Variants in THSD7A observed in about 807,000 individuals in gnomAD.
The protein encoded by THSD7A is thrombospondin type 1 domain containing 7A, also known as thrombospondin type-1 domain-containing protein 7A.
THSD7A carries 96 observed loss-of-function variants against 231.3 expected under a neutral mutation model. The observed-to-expected ratio is 0.41, with a 90% CI of 0.35 to 0.49. The LOEUF (loss-of-function observed/expected upper bound fraction) is 0.49. THSD7A is among the 20% of genes least tolerant of loss of function. The pLI is 0.05. For synonymous variants in THSD7A, 940 were observed against 743.3 expected, an observed-to-expected ratio of 1.26 and a Z score of -4.30; for missense variants, 2,290 against 2,070.2, an observed-to-expected ratio of 1.11 and a Z score of -2.06.
chr7:11,828,695 T>C (rs1335337109), intron 1 of THSD7A, among the ~76,000 whole-genome samples: 1 of 151,778 alleles, frequency 6.6e-6, no homozygotes, highest in African/African-American at 2.4e-5. Context: ...AAAAACTCTT[T>C]GTTGTGAGTT....
chr7:11,537,548 C>T (rs1295402356), intron 6 of THSD7A, among the ~76,000 whole-genome samples: 3 of 152,116 alleles, frequency 2.0e-5, no homozygotes, highest in Non-Finnish European at 4.4e-5. Flanking sequence ...GATGCCTGCT[C>T]CCACTTAGCC....
At chr7:11,693,905 C>G (rs1780310787) in intron 1 of THSD7A, among the ~76,000 whole-genome samples, 1 of 151,392 alleles carries the variant, frequency 6.6e-6, no homozygotes, top group Non-Finnish European at 1.5e-5. Flanking sequence ...TTTACTTATT[C>G]CATGACAATT....
chr7:11,623,379 C>T (rs1179763105), intron 2 of THSD7A, among the ~76,000 whole-genome samples: 1 of 152,018 alleles, frequency 6.6e-6, no homozygotes, highest in African/African-American at 2.4e-5. Context: ...AATTTTGTGT[C>T]TCAGTAGCAT....
At chr7:11,463,525 G>A (rs765175165) in intron 9 of THSD7A, among the ~76,000 whole-genome samples, 3 of 152,086 alleles carry the variant, frequency 2.0e-5, no homozygotes, top group East Asian at 1.9e-4. Flanking sequence ...GACCTTGTAT[G>A]ACCTATCCCA....
Position 11,428,976 on chromosome 7 carries a change from G to A in THSD7A, c.3214C>T (p.Pro1072Ser). The A allele has an allele frequency of 3.7e-6, 6 of 1,611,476 alleles. No homozygotes were observed. Among genetic ancestry groups the A allele is most frequent in the Non-Finnish European group, 2.5e-6 (3 of 1,178,880 alleles). The change falls in exon 14 of 28, where the codon CCT (proline) becomes TCT (serine). Residue 1072 changes from proline (P) to serine (S), a missense_variant. Transcript: ENST00000423059. ...LREKPYNGGRPCPKLDHVNQA... is the reference protein window; with the variant it reads ...LREKPYNGGRSCPKLDHVNQA... ...TTGACATGGTCCAGTTTGGGGCAAG[G>A]CCTTCCTCCATTATATGGTTTTTCA...
At chr7:11,702,249 C>G (rs1780627729) in intron 1 of THSD7A, among the ~76,000 whole-genome samples, 1 of 151,134 alleles carries the variant, frequency 6.6e-6, no homozygotes. Flanking sequence ...CAGGGTGTCA[C>G]AGGGTTGAAA....
At chr7:11,642,170 G>A (rs963769608) in intron 1 of THSD7A, among the ~76,000 whole-genome samples, 3 of 152,256 alleles carry the variant, frequency 2.0e-5, no homozygotes, top group Non-Finnish European at 4.4e-5. Context: ...GTGACAGTGT[G>A]CAGCAAATGT....
intron 2 of THSD7A, among the ~76,000 whole-genome samples, chr7:11,604,502 T>C (rs1338895047): frequency 1.3e-5 from 2 of 152,290 alleles, no homozygotes; most frequent in East Asian, 3.9e-4. Context: ...ATATTTTTAA[T>C]AATTAAAGCT....
chr7:11,389,733 T>G (rs1206960739), intron 23 of THSD7A, among the ~76,000 whole-genome samples: 1 of 151,656 alleles, frequency 6.6e-6, no homozygotes, highest in Non-Finnish European at 1.5e-5. Flanking sequence ...CCTTTACAAT[T>G]TGTTACGTTT....
chr7:11,395,818 GC>G (rs1783164534), intron 23 of THSD7A, among the ~76,000 whole-genome samples: 1 of 152,000 alleles, frequency 6.6e-6, no homozygotes, highest in Non-Finnish European at 1.5e-5. Context: ...GAGCCACCGT[GC>G]CCGGCCCAGA....
chr7:11,449,107 G>C (rs1785065427), intron 11 of THSD7A, among the ~76,000 whole-genome samples: 1 of 152,010 alleles, frequency 6.6e-6, no homozygotes, highest in Admixed American at 6.6e-5. Context: ...ATAACCTTTG[G>C]AAAATACCTA....
intron 1 of THSD7A, among the ~76,000 whole-genome samples, chr7:11,742,694 T>C (rs1424844165): frequency 6.6e-6 from 1 of 151,754 alleles, no homozygotes; most frequent in Non-Finnish European, 1.5e-5. Flanking sequence ...GACTGGGAGG[T>C]TGCTATTAAT....
At chr7:11,787,070 A>G (rs1287054331) in intron 1 of THSD7A, among the ~76,000 whole-genome samples, 1 of 152,100 alleles carries the variant, frequency 6.6e-6, no homozygotes, top group Non-Finnish European at 1.5e-5. Context: ...ATAAAAAGGT[A>G]ACATTGAACT....
rs1318592727 is a variant in THSD7A at position 11,814,185 on chromosome 7, CT to C, written c.190+17571del. ...TTCTTCTTGGGGTAATGAAAATGTT[CT>C]TGAATTGATTGTGGTAATGGATGCA... is the stretch of plus-strand genomic sequence containing the variant. On this transcript the variant is annotated intron_variant, in intron 1 of 27. Coordinates refer to ENST00000423059, the MANE Select transcript of THSD7A (RefSeq NM_015204.3). This position sits in a 1 kb window ranked among gnomAD's most constrained non-coding sequence, Gnocchi z 5.1. 6.6e-6 allele frequency among the ~76,000 whole-genome samples: 1 copy of C among 152,102 alleles called. No homozygotes were observed. The highest frequency in any genetic ancestry group is 1.9e-4 in the East Asian group (1 of 5,180).
intron 1 of THSD7A, among the ~76,000 whole-genome samples, chr7:11,705,803 A>G (rs1296722279): frequency 6.6e-6 from 1 of 150,958 alleles, no homozygotes; most frequent in East Asian, 2.0e-4. Flanking sequence ...AAAATCTTTC[A>G]TGTTTCAAAA....
intron 1 of THSD7A, among the ~76,000 whole-genome samples, chr7:11,669,673 T>A (rs180845045): frequency 8.6e-4 from 131 of 151,850 alleles, no homozygotes; most frequent in Middle Eastern, 3.4e-3. Flanking sequence ...ATTATATGAA[T>A]ATAAATTATT....
chr7:11,487,714 G>T (rs1161919918), intron 6 of THSD7A, among the ~76,000 whole-genome samples: 4 of 151,922 alleles, frequency 2.6e-5, no homozygotes, highest in Non-Finnish European at 5.9e-5. Flanking sequence ...GCTTGTGCAG[G>T]GGAACTCCCA....
chr7:11,529,408 T>C (rs1360785655), intron 6 of THSD7A, among the ~76,000 whole-genome samples: 1 of 152,276 alleles, frequency 6.6e-6, no homozygotes, highest in South Asian at 2.1e-4. Context: ...AAGTTATTGG[T>C]AAGTGATATG....
chr7:11,509,824 A>AAAG (rs1554326853), intron 6 of THSD7A, among the ~76,000 whole-genome samples: 1 of 144,168 alleles, frequency 6.9e-6, no homozygotes, highest in Non-Finnish European at 1.5e-5. Context: ...TCCGTCTCAA[A>AAAG]AAAAAAAAAA....
Sources: allele counts gnomAD v4.1 joint callset (sites outside exome capture counted in the v4.1 genomes callset), GRCh38; gene constraint gnomAD v4.1.1; non-coding constraint Gnocchi (gnomAD v3.1); transcripts MANE v1.5; gene names NCBI Gene and HGNC (gene_info 2026-07-23, HGNC 2026-07-21).